Variants in TBC1D8 observed in about 807,000 individuals in gnomAD.
TBC1D8 encodes TBC1 domain family member 8.
In TBC1D8, 65 loss-of-function variants were observed where a neutral mutation model predicts 118.8. That is an observed-to-expected ratio of 0.55 (90% CI 0.45 to 0.67). The LOEUF is 0.67. Ranked by LOEUF, TBC1D8 falls within the 30% of genes least tolerant of loss-of-function variation. The probability of loss-of-function intolerance (pLI) is 0.00; values close to 1 mark genes in which losing one functional copy is unlikely to be tolerated. For missense variants in TBC1D8, 1,376 were observed against 1,471.2 expected, an observed-to-expected ratio of 0.94 and a Z score of 1.06; for synonymous variants, 566 against 595.8, an observed-to-expected ratio of 0.95 and a Z score of 0.73.
chr2:101,147,414 T>A (rs1679364248), intron 1 of TBC1D8, among the ~76,000 whole-genome samples: 1 of 152,214 alleles, frequency 6.6e-6, no homozygotes, highest in Non-Finnish European at 1.5e-5. Flanking sequence ...AGTGGCAATA[T>A]TAACTTACAA....
chr2:101,029,913 T>C, intron 11 of TBC1D8, 137 bp from the exon 12 acceptor site: 1 of 855,940 alleles, frequency 1.2e-6, no homozygotes, highest in East Asian at 2.6e-5. Context: ...GCTTAGTTCA[T>C]TGATTCTGAC....
chr2:101,107,236 T>A (rs1374341478), intron 1 of TBC1D8, among the ~76,000 whole-genome samples: 1 of 152,214 alleles, frequency 6.6e-6, no homozygotes, highest in Non-Finnish European at 1.5e-5. Flanking sequence ...TTCAGCTTAC[T>A]ATAGATACAA....
intron 9 of TBC1D8, among the ~76,000 whole-genome samples, chr2:101,034,180 T>C (rs1680855909): frequency 6.6e-6 from 1 of 152,032 alleles, no homozygotes. Flanking sequence ...TGTAGCCTAG[T>C]CAAAAAAACA....
At chr2:101,131,302 C>A (rs1007691280) in intron 1 of TBC1D8, among the ~76,000 whole-genome samples, 1 of 151,388 alleles carries the variant, frequency 6.6e-6, no homozygotes, top group Non-Finnish European at 1.5e-5. Flanking sequence ...CACCTGAGGC[C>A]GGGAGTTTGT....
chr2:101,060,548 C>T (rs1380723353), intron 2 of TBC1D8, among the ~76,000 whole-genome samples: 1 of 152,168 alleles, frequency 6.6e-6, no homozygotes, highest in African/African-American at 2.4e-5. Context: ...TAAATCACCA[C>T]ATTATTAAAG....
intron 1 of TBC1D8, among the ~76,000 whole-genome samples, chr2:101,115,885 C>T (rs937728229): frequency 6.6e-6 from 1 of 152,102 alleles, no homozygotes; most frequent in African/African-American, 2.4e-5. Flanking sequence ...GGATCTGTTA[C>T]GCACACGCCA....
chr2:101,045,266 T>A (rs1681627188), intron 5 of TBC1D8, among the ~76,000 whole-genome samples: 1 of 152,236 alleles, frequency 6.6e-6, no homozygotes, highest in African/African-American at 2.4e-5. Flanking sequence ...GTATTTCTTT[T>A]ATTTCTCTGC....
intron 7 of TBC1D8, 116 bp from the exon 8 acceptor site, chr2:101,037,824 G>A (rs1249836561): frequency 7.9e-7 from 1 of 1,270,742 alleles, no homozygotes; most frequent in Non-Finnish European, 1.1e-6. Flanking sequence ...AGACTTCAAT[G>A]ACTCAGGGGG....
chr2:101,038,690 G>A (rs746896867), intron 6 of TBC1D8, 35 bp from the exon 7 acceptor site: 34 of 1,608,360 alleles, frequency 2.1e-5, no homozygotes, highest in Admixed American at 3.3e-5. Flanking sequence ...ACAGAAGGGC[G>A]GGAGGAAGGT....
intron 1 of TBC1D8, among the ~76,000 whole-genome samples, chr2:101,136,855 A>T (rs1023760285): frequency 6.6e-6 from 1 of 152,174 alleles, no homozygotes; most frequent in Non-Finnish European, 1.5e-5. Context: ...GCAATATAAC[A>T]GATACTCAGA....
intron 17 of TBC1D8, chr2:101,019,316 T>A (rs551012907): frequency 6.7e-6 from 2 of 300,576 alleles, no homozygotes; most frequent in Non-Finnish European, 1.2e-5. Flanking sequence ...CTTCCTGATC[T>A]GTGATTGAAA....
At chr2:101,130,298 G>T (rs1280241369) in intron 1 of TBC1D8, among the ~76,000 whole-genome samples, 1 of 152,236 alleles carries the variant, frequency 6.6e-6, no homozygotes, top group East Asian at 1.9e-4. Flanking sequence ...TGACACTTCA[G>T]TGGCTTAGCA....
At position 101,089,864 on chromosome 2, in the gene TBC1D8, GC is replaced by G. The variant is rs1247247740; in HGVS notation, c.283+344del. Among the ~76,000 whole-genome samples the G allele has an allele frequency of 2.7e-5, 4 of 150,382 alleles. No homozygotes were observed. In the East Asian group the frequency reaches 7.9e-4, roughly 30 times the overall value. On this transcript the variant is annotated intron_variant, in intron 2 of 19. Coordinates refer to ENST00000409318, the MANE Select transcript of TBC1D8 (RefSeq NM_001330348.2). ...AGCACCATGAAACACACCAATGAAAGCCTGGCATGCCCAAGCTATGCTGCCC... is the reference window on the plus strand; with the variant it reads ...AGCACCATGAAACACACCAATGAAAGCTGGCATGCCCAAGCTATGCTGCCC...
At chr2:101,054,667 CTTTTCT>C (rs1318042501) in intron 3 of TBC1D8, among the ~76,000 whole-genome samples, 1 of 21,296 alleles carries the variant, frequency 4.7e-5, no homozygotes, top group Non-Finnish European at 9.0e-5. Flanking sequence ...ATTTTCTTTT[CTTTTCT>C]TTTTTTTTTT....
chr2:101,124,674 C>G (rs1678275177), intron 1 of TBC1D8, among the ~76,000 whole-genome samples: 1 of 152,130 alleles, frequency 6.6e-6, no homozygotes, highest in Non-Finnish European at 1.5e-5. Context: ...AACTCAGGGA[C>G]CAGATCAAAT....
At chr2:101,011,417 G>T in intron 18 of TBC1D8, 34 bp downstream of exon 18, 1 of 1,608,150 alleles carries the variant, frequency 6.2e-7, no homozygotes. Context: ...GCAGTGGTAT[G>T]CAGGGGAAAG....
At chr2:101,093,856 C>T (rs1484836782) in intron 1 of TBC1D8, among the ~76,000 whole-genome samples, 1 of 152,092 alleles carries the variant, frequency 6.6e-6, no homozygotes, top group Admixed American at 6.5e-5. Flanking sequence ...ATTACAGGCA[C>T]CTGCCACCAC....
At chr2:101,118,434 T>C (rs112375036) in intron 1 of TBC1D8, among the ~76,000 whole-genome samples, 17,516 of 151,680 alleles carry the variant, frequency 0.12, 1,118 homozygotes, top group African/African-American at 0.17. Context: ...CAGTGGCTCA[T>C]GCCTGTAATC....
chr2:101,103,367 A>G (rs1042787838), intron 1 of TBC1D8, among the ~76,000 whole-genome samples: 1 of 151,438 alleles, frequency 6.6e-6, no homozygotes, highest in South Asian at 2.1e-4. Flanking sequence ...AAAAAAAAAA[A>G]ACTAAGGATC....
Sources: gnomAD v4.1 joint callset for allele counts (sites outside exome capture counted in the v4.1 genomes callset) on GRCh38, gnomAD v4.1.1 for gene constraint, MANE v1.5 for transcripts, NCBI Gene and HGNC (gene_info 2026-07-23, HGNC 2026-07-21) for gene names.